The following PCDH15 variants were observed in gnomAD, a reference collection of about 807,000 sequenced individuals.
PCDH15 encodes protocadherin-15.
A neutral mutation model predicts 178.5 loss-of-function variants in PCDH15; 129 were observed. The ratio of observed to expected loss-of-function variants is 0.72; its 90% CI spans 0.63 to 0.84. The LOEUF is 0.84. Ranked by LOEUF, PCDH15 falls within the 40% of genes least tolerant of loss-of-function variation. The pLI, the probability that PCDH15 is intolerant of heterozygous loss-of-function variation, is 0.00. For synonymous variants in PCDH15, 800 were observed against 732.0 expected (o/e 1.09, Z -1.50); for missense variants, 2,230 against 2,099.9 (o/e 1.06, Z -1.21).
chr10:55,349,932 C>A (rs1844866856), intron 2 of PCDH15, among the ~76,000 whole-genome samples: 1 of 151,236 alleles, frequency 6.6e-6, no homozygotes, highest in Admixed American at 6.6e-5. Context: ...CTTTTTTTTA[C>A]TTCCTTTCTA....
chr10:54,919,903 AG>A (rs1365887115), intron 2 of PCDH15, among the ~76,000 whole-genome samples: 1 of 152,056 alleles, frequency 6.6e-6, no homozygotes, highest in Non-Finnish European at 1.5e-5. Flanking sequence ...GAAAAAAAAA[AG>A]GCTCTGTAAC....
chr10:53,892,018 A>C (rs942492426), intron 26 of PCDH15, among the ~76,000 whole-genome samples: 2 of 99,160 alleles, frequency 2.0e-5, no homozygotes, highest in South Asian at 5.9e-4. Flanking sequence ...CTTTACATCT[A>C]TGTTTTTTTT....
chr10:55,116,506 G>A (rs763279528), intron 2 of PCDH15, among the ~76,000 whole-genome samples: 1 of 151,990 alleles, frequency 6.6e-6, no homozygotes, highest in Non-Finnish European at 1.5e-5. Context: ...CAAGATTCAG[G>A]GAAAAGTTGG....
intron 18 of PCDH15, among the ~76,000 whole-genome samples, chr10:54,059,012 C>T (rs2093959706): frequency 6.6e-6 from 1 of 152,036 alleles, no homozygotes. Context: ...TTTCTTCTAA[C>T]AGTATGTTTG....
intron 2 of PCDH15, among the ~76,000 whole-genome samples, chr10:55,139,255 T>A (rs1312058072): frequency 1.3e-5 from 2 of 152,100 alleles, no homozygotes; most frequent in Admixed American, 1.3e-4. Context: ...CTTTTAATCC[T>A]CTTATCGAGG....
intron 1 of PCDH15, among the ~76,000 whole-genome samples, chr10:55,211,366 C>T (rs1354611079): frequency 6.6e-6 from 1 of 152,064 alleles, no homozygotes; most frequent in Non-Finnish European, 1.5e-5. Flanking sequence ...AAACATAATG[C>T]TTTTTCTAAT....
At chr10:53,963,210 G>A (rs761140510) in intron 21 of PCDH15, among the ~76,000 whole-genome samples, 1 of 152,066 alleles carries the variant, frequency 6.6e-6, no homozygotes, top group Admixed American at 6.6e-5. Context: ...CTGAATTACA[G>A]TTGGGCTATG....
At chr10:55,336,007 T>C (rs1027526888) in intron 2 of PCDH15, among the ~76,000 whole-genome samples, 1 of 151,822 alleles carries the variant, frequency 6.6e-6, no homozygotes, top group African/African-American at 2.4e-5. Context: ...TTTCTCAATC[T>C]CAGAACTATT....
At chr10:54,718,443 C>CCAAAGAACT (rs1213874746) in intron 1 of PCDH15, among the ~76,000 whole-genome samples, 3 of 151,948 alleles carry the variant, frequency 2.0e-5, no homozygotes, top group Non-Finnish European at 4.4e-5. Context: ...CATACAAAGG[C>CCAAAGAACT]TATATGTAAC....
At chr10:55,384,241 C>T (rs1247614415) in intron 2 of PCDH15, among the ~76,000 whole-genome samples, 1 of 152,004 alleles carries the variant, frequency 6.6e-6, no homozygotes, top group Non-Finnish European at 1.5e-5. Context: ...TCTGAATCAC[C>T]TTTTACTTGT....
At chr10:55,168,029 G>A (rs1473724922) in intron 1 of PCDH15, among the ~76,000 whole-genome samples, 3 of 151,868 alleles carry the variant, frequency 2.0e-5, no homozygotes, top group African/African-American at 7.3e-5. Context: ...ATAATACTTT[G>A]GGGATTAATG....
chr10:54,796,249 T>A (rs1490236441), intron 1 of PCDH15, among the ~76,000 whole-genome samples: 2 of 105,032 alleles, frequency 1.9e-5, no homozygotes, highest in African/African-American at 8.4e-5. Flanking sequence ...TATCTATCTA[T>A]CTATCTATCT....
Position 55,370,241 on chromosome 10 carries a change from A to C in PCDH15, c.-155-203590T>G, listed in dbSNP as rs114102922. 3.6e-3 allele frequency among the ~76,000 whole-genome samples: 550 copies of C among 152,184 alleles called. 4 individuals are homozygous for C. The highest frequency in any genetic ancestry group is 0.013 in the African/African-American group (525 of 41,542). On this transcript the variant is annotated intron_variant, in intron 2 of 5. Transcript: ENST00000613346. ...ACAGATGTGAACCATTTACGGGTAA[A>C]TGTGCACACTGGCAAAGAAAAAACA... is the stretch of plus-strand genomic sequence containing the variant.
chr10:54,099,513 A>AAAATATATATAT (rs1347306483), intron 15 of PCDH15, among the ~76,000 whole-genome samples: 2 of 117,932 alleles, frequency 1.7e-5, no homozygotes, highest in African/African-American at 7.7e-5. Context: ...AAAAAAAAAA[A>AAAATATATATAT]ATATATATAT....
intron 2 of PCDH15, among the ~76,000 whole-genome samples, chr10:55,077,264 A>G (rs552323540): frequency 6.6e-6 from 1 of 152,046 alleles, no homozygotes; most frequent in Non-Finnish European, 1.5e-5. Flanking sequence ...AATTTAATCT[A>G]TTTACATTCA....
intron 2 of PCDH15, among the ~76,000 whole-genome samples, chr10:54,554,574 C>T (rs1335047016): frequency 6.6e-6 from 1 of 152,046 alleles, no homozygotes; most frequent in Non-Finnish European, 1.5e-5. Context: ...TTGGAGGCTA[C>T]CCCAAGACTT....
At chr10:55,497,614 A>G (rs1171873290) in intron 2 of PCDH15, among the ~76,000 whole-genome samples, 1 of 151,860 alleles carries the variant, frequency 6.6e-6, no homozygotes, top group African/African-American at 2.4e-5. Flanking sequence ...TATTTTTAAA[A>G]CTAAAATTAA....
rs1406375604 is a variant in PCDH15, at chr10:54,907,166, T to C, written c.-79-9666A>G. Reference sequence around the variant, plus strand: ...TCAGCTATAATTCAAATGTATATATTTCTCTGGGGAAAACAGGTTGTAATT... The same window carrying C: ...TCAGCTATAATTCAAATGTATATATCTCTCTGGGGAAAACAGGTTGTAATT... On this transcript the variant is annotated intron_variant, in intron 2 of 5. Transcript: ENST00000458638. Among the ~76,000 whole-genome samples, 11 of 152,288 alleles carry C rather than the reference T, an allele frequency of 7.2e-5. No individual in the cohort carries two copies. The East Asian group carries it at 1.5e-3, about 21-fold the overall frequency.
chr10:54,396,192 C>T (rs745405230), intron 3 of PCDH15, among the ~76,000 whole-genome samples: 1 of 152,178 alleles, frequency 6.6e-6, no homozygotes, highest in South Asian at 2.1e-4. Flanking sequence ...TCTACATTAA[C>T]AAGCTTTACT....
Sources: gnomAD v4.1 joint callset for allele counts (sites outside exome capture counted in the v4.1 genomes callset) on GRCh38, gnomAD v4.1.1 for gene constraint, MANE v1.5 for transcripts, NCBI Gene and HGNC (gene_info 2026-07-23, HGNC 2026-07-21) for gene names.